M1AP: variants seen among roughly 807,000 people sequenced by gnomAD.
M1AP encodes the protein meiosis 1 associated protein, also known as meiosis 1 arrest protein.
M1AP carries 39 observed loss-of-function variants against 51.2 expected under a neutral mutation model. The ratio of observed to expected loss-of-function variants is 0.76; its 90% CI spans 0.59 to 1.00. M1AP has a LOEUF of 1.00. Ranked by LOEUF, M1AP falls within the 50% of genes least tolerant of loss-of-function variation. The pLI, the probability that M1AP is intolerant of heterozygous loss-of-function variation, is 0.00. For synonymous variants in M1AP, 251 were observed against 249.2 expected (o/e 1.01, Z -0.07); for missense variants, 545 against 641.2 (o/e 0.85, Z 1.62).
chr2:74,580,182 G>A (rs1679317310), intron 5 of M1AP, among the ~76,000 whole-genome samples: 1 of 152,140 alleles, frequency 6.6e-6, no homozygotes, highest in African/African-American at 2.4e-5. Context: ...ATGACATATG[G>A]TAACAGTATC....
intron 1 of M1AP, 151 bp downstream of exon 1, chr2:74,648,114 G>A: frequency 3.0e-6 from 3 of 983,714 alleles, no homozygotes; most frequent in Non-Finnish European, 3.6e-6. Context: ...GCCTCTCTCG[G>A]CGTCAGTCTT....
chr2:74,584,839 A>T (rs1029786870), intron 4 of M1AP, among the ~76,000 whole-genome samples: 39 of 146,338 alleles, frequency 2.7e-4, no homozygotes, highest in South Asian at 1.7e-3. Context: ...TTTTATTATT[A>T]TTTTTTTATT....
rs551503634 is a variant in M1AP at position 74,559,164 on chromosome 2, A to T, written c.1435-290T>A. 1.1e-4 allele frequency among the ~76,000 whole-genome samples: 16 copies of T among 146,878 alleles called. No individual in the cohort carries two copies. The South Asian group carries it at 3.2e-3, about 30-fold the overall frequency. On this transcript the variant is annotated intron_variant, in intron 10 of 10. Coordinates refer to ENST00000421985, the MANE Select transcript of M1AP (RefSeq NM_001321739.2). ...TGTAATTTTAGCTAAGACAAAATGA[A>T]TTTTTTTTTTTTTTGACAGGATCTT...
At position 74,562,198 on chromosome 2, in the gene M1AP, A is replaced by C; in HGVS notation, c.1281+19T>G. 6.3e-7 allele frequency: 1 copy of C among 1,593,026 alleles called. No individual in the cohort carries two copies. Among genetic ancestry groups the C allele is most frequent in the Non-Finnish European group, 8.6e-7 (1 of 1,167,276 alleles). Reference sequence around the variant, plus strand: ...CATTCGCTTCTAGATCTGTCCCATGAGATCTGGGCTCCACTTGCCTCCACA... The same window carrying C: ...CATTCGCTTCTAGATCTGTCCCATGCGATCTGGGCTCCACTTGCCTCCACA... On this transcript the variant is annotated intron_variant, in intron 8 of 10. Coordinates refer to ENST00000421985, the MANE Select transcript of M1AP (RefSeq NM_001321739.2).
At chr2:74,647,325 C>G (rs1683668678) in intron 1 of M1AP, 2 of 985,264 alleles carry the variant, frequency 2.0e-6, no homozygotes, top group Non-Finnish European at 2.4e-6. Flanking sequence ...TGTTCTGTTC[C>G]GTGCTGAGCA....
chr2:74,609,359 C>G (rs985290737), intron 3 of M1AP, among the ~76,000 whole-genome samples: 3 of 152,184 alleles, frequency 2.0e-5, no homozygotes, highest in Admixed American at 6.5e-5. Context: ...GTTCTCTAGA[C>G]TCATCCATGT....
chr2:74,569,492 C>CTTCA (rs1678594627), intron 7 of M1AP, among the ~76,000 whole-genome samples: 1 of 150,936 alleles, frequency 6.6e-6, no homozygotes, highest in Non-Finnish European at 1.5e-5. Context: ...GTGATTCTCG[C>CTTCA]GCCTCCCGAG....
chr2:74,563,290 G>A (rs148626713), intron 7 of M1AP, among the ~76,000 whole-genome samples: 318 of 152,176 alleles, frequency 2.1e-3, no homozygotes, highest in Non-Finnish European at 3.1e-3. Flanking sequence ...AAAGCAGCCT[G>A]CAAAGTGGGA....
At chr2:74,576,896 C>A in intron 5 of M1AP, 1 of 1,156,576 alleles carries the variant, frequency 8.6e-7, no homozygotes, top group Admixed American at 3.8e-5. Context: ...TGTTTTACTT[C>A]TGGGCTGGCT....
At chr2:74,611,029 A>G (rs1163821077) in intron 3 of M1AP, among the ~76,000 whole-genome samples, 1 of 152,154 alleles carries the variant, frequency 6.6e-6, no homozygotes, top group Non-Finnish European at 1.5e-5. Flanking sequence ...CCTCTTGATT[A>G]TGGTAATCCC....
At chr2:74,560,967 C>T (rs1314157754) in intron 8 of M1AP, among the ~76,000 whole-genome samples, 1 of 152,018 alleles carries the variant, frequency 6.6e-6, no homozygotes, top group African/African-American at 2.4e-5. Flanking sequence ...CCAGCCCTCC[C>T]ACTCTTAGCC....
intron 4 of M1AP, among the ~76,000 whole-genome samples, chr2:74,597,578 G>A (rs1256428880): frequency 6.6e-6 from 1 of 152,164 alleles, no homozygotes; most frequent in Admixed American, 6.5e-5. Flanking sequence ...AACACATATG[G>A]AGAAAATACC....
At chr2:74,571,305 G>GT (rs1678723669) in intron 7 of M1AP, among the ~76,000 whole-genome samples, 2 of 152,306 alleles carry the variant, frequency 1.3e-5, no homozygotes, top group South Asian at 4.1e-4. Context: ...AGTGACTGAG[G>GT]TTTCAAGCCT....
chr2:74,558,838 C>G lies in M1AP; in HGVS notation c.1471G>C (p.Val491Leu), dbSNP rs1204196822. ...QLQTNRARAT[V>L]APLPMTPVPG... ...ACAGGAGTCATAGGCAGGGGGGCCA[C>G]AGTAGCTCGAGCTCGGTTGGTCTGC... Residue 491 changes from valine (V) to leucine (L), a missense_variant, in exon 11 of 11, where the codon GTG (valine) becomes CTG (leucine). By Grantham distance (32) the Val-to-Leu change is conservative. Transcript: ENST00000421985. The G allele has an allele frequency of 3.1e-6, 5 of 1,603,572 alleles. No individual in the cohort carries two copies. The highest frequency in any genetic ancestry group is 4.3e-6 in the Non-Finnish European group (5 of 1,175,972).
At chr2:74,594,616 G>A (rs1680225174) in intron 4 of M1AP, among the ~76,000 whole-genome samples, 1 of 152,174 alleles carries the variant, frequency 6.6e-6, no homozygotes, top group African/African-American at 2.4e-5. Context: ...ACTCATGCCT[G>A]TAATCCTGGC....
Position 74,607,190 on chromosome 2 carries a change from C to T in M1AP, c.460G>A (p.Val154Met), listed in dbSNP as rs1558676903. 2 of 1,613,998 alleles carry T rather than the reference C, an allele frequency of 1.2e-6. No individual in the cohort carries two copies. Among genetic ancestry groups the T allele is most frequent in the African/African-American group, 2.7e-5 (2 of 74,932 alleles). Residue 154 changes from valine (V) to methionine (M), a missense_variant, in exon 4 of 11, where the codon GTG (valine) becomes ATG (methionine). Val to Met is a conservative substitution (Grantham distance 21). Coordinates refer to ENST00000421985, the MANE Select transcript of M1AP (RefSeq NM_001321739.2). ...TILTSQPGKE[V>M]VKQLEEGLKD... ...AACCCTTCCTCCAACTGTTTGACCA[C>T]CTCTTTTCCAGGCTGAGAAGTCAGA... is the stretch of plus-strand genomic sequence containing the variant.
intron 4 of M1AP, among the ~76,000 whole-genome samples, chr2:74,590,176 C>T (rs116237511): frequency 1.8e-3 from 269 of 152,154 alleles, no homozygotes; most frequent in Non-Finnish European, 2.6e-3. Flanking sequence ...TATTTCTCAC[C>T]GTTTTGGAGG....
Position 74,575,535 on chromosome 2 carries a change from A to G in M1AP, c.977T>C (p.Leu326Pro), listed in dbSNP as rs756317597. ...SGLCESLTYG[L>P]PFILRPTSCW... is the part of the protein sequence containing the mutation. ...GCTTGTAGGTCTGAGGATGAACGGG[A>G]GTCCATATGTCAATGACTCGCAGAG... Residue 326 changes from leucine to proline, a missense_variant, in exon 7 of 11, where the codon CTC (leucine) becomes CCC (proline). By Grantham distance (98) the Leu-to-Pro change is moderately conservative (BLOSUM62 -3). Transcript: ENST00000421985. 4.3e-6 allele frequency: 7 copies of G among 1,614,066 alleles called. No individual in the cohort carries two copies. The highest frequency in any genetic ancestry group is 5.1e-6 in the Non-Finnish European group (6 of 1,180,032).
At position 74,613,649 on chromosome 2, in the gene M1AP, T is replaced by A. The variant is rs189488866; in HGVS notation, c.426+1315A>T. ...AAATCCCAGGAGGTTAAGGGTTAGG[T>A]TCTGTTTAACTAGTTTCTCCTGAGT... On this transcript the variant is annotated intron_variant, in intron 3 of 10. Coordinates refer to ENST00000421985, the MANE Select transcript of M1AP (RefSeq NM_001321739.2). Among the ~76,000 whole-genome samples the A allele has an allele frequency of 3.1e-4, 47 of 152,328 alleles. 1 individual carries two copies. Among genetic ancestry groups the A allele is most frequent in the Admixed American group, 1.1e-3 (17 of 15,302 alleles).
Sources: allele counts gnomAD v4.1 joint callset (sites outside exome capture counted in the v4.1 genomes callset), GRCh38; gene constraint gnomAD v4.1.1; transcripts MANE v1.5; gene names NCBI Gene and HGNC (gene_info 2026-07-23, HGNC 2026-07-21).